ATP8B1: variants seen among roughly 807,000 people sequenced by gnomAD.
ATP8B1 encodes the protein phospholipid-transporting ATPase IC.
Under a neutral mutation model 149.9 loss-of-function variants are expected in ATP8B1, and 80 were observed. The observed-to-expected ratio is 0.53, with a 90% CI of 0.45 to 0.64. ATP8B1 has a LOEUF of 0.64. Ranked by LOEUF, ATP8B1 falls within the 30% of genes least tolerant of loss-of-function variation. The pLI is 0.00. For missense variants in ATP8B1, 1,247 were observed against 1,552.6 expected (o/e 0.80, Z 3.31); for synonymous variants, 536 against 562.8 (o/e 0.95, Z 0.67).
chr18:57,736,947 T>C (rs1021371816), intron 1 of ATP8B1: 14 of 152,318 alleles, frequency 9.2e-5, no homozygotes, highest in Middle Eastern at 6.8e-3. Flanking sequence ...ACTGTGAAGG[T>C]ACTATATGGA....
rs950878537 is a variant in ATP8B1, at chr18:57,720,086, A to G, written c.181+11541T>C. Among the ~76,000 whole-genome samples, 424 of 151,806 alleles carry G rather than the reference A, an allele frequency of 2.8e-3. 3 individuals are homozygous for G. The highest frequency in any genetic ancestry group is 9.5e-3 in the African/African-American group (393 of 41,376). On this transcript the variant is annotated intron_variant, in intron 2 of 27. Coordinates refer to ENST00000648908, the MANE Select transcript of ATP8B1 (RefSeq NM_001374385.1). ...AACAGAAAGGACATCCACACAGAAA[A>G]CCCATCTGTACATCACCATCATCAA...
intron 2 of ATP8B1, among the ~76,000 whole-genome samples, chr18:57,721,500 A>C (rs2079646253): frequency 6.6e-6 from 1 of 151,798 alleles, no homozygotes; most frequent in African/African-American, 2.4e-5. Context: ...GAGACAAAGA[A>C]GGCCATTACA....
chr18:57,680,275 C>A (rs1433400417), intron 15 of ATP8B1, among the ~76,000 whole-genome samples: 1 of 22,270 alleles, frequency 4.5e-5, no homozygotes, highest in African/African-American at 1.9e-4. Context: ...GAGACTCAGT[C>A]TCAAAAAAAA....
chr18:57,689,713 C>A (rs1912434818), intron 12 of ATP8B1, among the ~76,000 whole-genome samples: 1 of 152,126 alleles, frequency 6.6e-6, no homozygotes, highest in Non-Finnish European at 1.5e-5. Flanking sequence ...GGTGAAAGTT[C>A]TCTGCAGAAA....
At chr18:57,782,803 CT>C (rs79009229) in intron 1 of ATP8B1, among the ~76,000 whole-genome samples, 4 of 91,158 alleles carry the variant, frequency 4.4e-5, no homozygotes, top group East Asian at 6.2e-4. Context: ...TAGTTTGTCT[CT>C]TTTTTTTTTT....
Position 57,699,374 on chromosome 18 carries a change from G to A in ATP8B1, c.555-1507C>T, listed in dbSNP as rs115194399. On this transcript the variant is annotated intron_variant, in intron 6 of 27. Transcript: ENST00000648908. ...GCTTTATTTACAATTCTAGGATTAGGAAACACTTCATTCAGTAAAATAGAA... is the reference window on the plus strand; with the variant it reads ...GCTTTATTTACAATTCTAGGATTAGAAAACACTTCATTCAGTAAAATAGAA... 6.3e-3 allele frequency among the ~76,000 whole-genome samples: 966 copies of A among 152,204 alleles called. 12 individuals carry two copies. Among genetic ancestry groups the A allele is most frequent in the African/African-American group, 0.022 (895 of 41,524 alleles).
rs1389589382 is a variant in ATP8B1 at position 57,744,815 on chromosome 18, C to T, written c.-25-12983G>A. Reference sequence around the variant, plus strand: ...GCTATTAATACAAAGACTGCACTCCCGAAAGACATACAAAACATCATAGCT... The same window carrying T: ...GCTATTAATACAAAGACTGCACTCCTGAAAGACATACAAAACATCATAGCT... On this transcript the variant is annotated intron_variant, in intron 1 of 27. Transcript: ENST00000648908. Among the ~76,000 whole-genome samples, 5 of 152,104 alleles carry T rather than the reference C, an allele frequency of 3.3e-5. No individual in the cohort carries two copies. In the East Asian group the frequency reaches 7.7e-4, roughly 23 times the overall value.
chr18:57,767,876 G>C (rs1020224321), intron 1 of ATP8B1, among the ~76,000 whole-genome samples: 5 of 151,836 alleles, frequency 3.3e-5, no homozygotes, highest in Non-Finnish European at 7.4e-5. Flanking sequence ...AGCAGGATTA[G>C]ATCTAAGACT....
rs1389358168 is a variant in ATP8B1 at position 57,722,295 on chromosome 18, C to T, written c.181+9332G>A. 7.7e-4 allele frequency among the ~76,000 whole-genome samples: 114 copies of T among 148,064 alleles called. 1 individual carries two copies. Among genetic ancestry groups the T allele is most frequent in the African/African-American group, 2.8e-3 (109 of 39,128 alleles). On this transcript the variant is annotated intron_variant, in intron 2 of 27. Coordinates refer to ENST00000648908, the MANE Select transcript of ATP8B1 (RefSeq NM_001374385.1). ...AGACACAAAAAACCCTTCAAAAAAT[C>T]AGTGAATCCAGGAGCTGGTTTTTTG...
chr18:57,776,240 A>G (rs943895187), intron 1 of ATP8B1, among the ~76,000 whole-genome samples: 5 of 152,252 alleles, frequency 3.3e-5, no homozygotes, highest in African/African-American at 9.6e-5. Flanking sequence ...TAACATTGGC[A>G]TTCAGCTGAG....
intron 1 of ATP8B1, among the ~76,000 whole-genome samples, chr18:57,788,446 T>C (rs1189012010): frequency 2.0e-5 from 3 of 151,842 alleles, no homozygotes; most frequent in Admixed American, 6.6e-5. Flanking sequence ...TCCCAGCTAC[T>C]TGGGAGGCTG....
rs747431426 is a variant in ATP8B1 at position 57,706,529 on chromosome 18, C to T, written c.240G>A (p.Met80Ile). Residue 80 changes from methionine to isoleucine, a missense_variant, in exon 3 of 28, where the codon ATG becomes ATA. Physicochemically the swap from Met to Ile is conservative, Grantham distance 10. This residue lies in a region of ATP8B1 where 853 missense variants were observed against 1,035.7 expected (regional missense o/e 0.82). Transcript: ENST00000648908. ...CCTTAATACACAAGAATTTTGTGTTCATAAAGTGAGGTTGTTCGTGGTACT... is the reference window on the plus strand; with the variant it reads ...CCTTAATACACAAGAATTTTGTGTTTATAAAGTGAGGTTGTTCGTGGTACT... Reference protein sequence around the residue: ...DRKYHEQPHFMNTKFLCIKES... With the variant: ...DRKYHEQPHFINTKFLCIKES... 1.2e-6 allele frequency: 2 copies of T among 1,613,998 alleles called. No homozygotes were observed. Among genetic ancestry groups the T allele is most frequent in the East Asian group, 2.2e-5 (1 of 44,878 alleles).
At chr18:57,701,816 C>T (rs886388008) in intron 4 of ATP8B1, among the ~76,000 whole-genome samples, 1 of 152,022 alleles carries the variant, frequency 6.6e-6, no homozygotes, top group Non-Finnish European at 1.5e-5. Context: ...CTGCTTCAGC[C>T]TCCTGAGTAG....
intron 1 of ATP8B1, among the ~76,000 whole-genome samples, chr18:57,795,673 A>G (rs1482962023): frequency 6.6e-6 from 1 of 152,142 alleles, no homozygotes; most frequent in Non-Finnish European, 1.5e-5. Flanking sequence ...TTCATGGAGA[A>G]AGCAGAATAG....
chr18:57,697,534 T>C (rs1473649292), intron 8 of ATP8B1, 84 bp downstream of exon 8: 1 of 1,437,748 alleles, frequency 7.0e-7, no homozygotes, highest in African/African-American at 1.4e-5. Context: ...TATCAAGCCG[T>C]CTGGTCCACA....
chr18:57,742,840 A>C (rs1482555341), intron 1 of ATP8B1, among the ~76,000 whole-genome samples: 1 of 143,742 alleles, frequency 7.0e-6, no homozygotes, highest in Non-Finnish European at 1.5e-5. Flanking sequence ...AAAAAAAAAA[A>C]CAAAACAGAC....
intron 2 of ATP8B1, among the ~76,000 whole-genome samples, chr18:57,710,668 G>T (rs1302547695): frequency 6.6e-6 from 1 of 152,200 alleles, no homozygotes; most frequent in African/African-American, 2.4e-5. Context: ...ATTCAATGCT[G>T]TTCTCGCTGA....
rs1401886814 is a variant in ATP8B1, at chr18:57,701,193, A to G, written c.492+22T>C. 2.5e-6 allele frequency: 4 copies of G among 1,613,076 alleles called. No individual in the cohort carries two copies. The Admixed American group carries it at 6.7e-5, about 27-fold the overall frequency. On this transcript the variant is annotated intron_variant, in intron 5 of 27. Coordinates refer to ENST00000648908, the MANE Select transcript of ATP8B1 (RefSeq NM_001374385.1). Reference sequence around the variant, plus strand: ...AAGTCAACTCAAAGCAATGAGTAGAACGTTGTATGAGAAATCCTCACCACA... The same window carrying G: ...AAGTCAACTCAAAGCAATGAGTAGAGCGTTGTATGAGAAATCCTCACCACA...
intron 1 of ATP8B1, among the ~76,000 whole-genome samples, chr18:57,741,665 T>C (rs1568049561): frequency 1.3e-5 from 2 of 152,186 alleles, no homozygotes; most frequent in South Asian, 4.1e-4. Flanking sequence ...CTGTTAAGTT[T>C]TGGAGTAGCT....
Sources: allele counts gnomAD v4.1 joint callset (sites outside exome capture counted in the v4.1 genomes callset), GRCh38; gene constraint gnomAD v4.1.1; regional missense constraint gnomAD v4.1.1; transcripts MANE v1.5; gene names NCBI Gene and HGNC (gene_info 2026-07-23, HGNC 2026-07-21).